CALN1: variants seen among roughly 807,000 people sequenced by gnomAD.
CALN1 encodes calneuron 1, also known as calcium-binding protein 8.
CALN1 carries 17 observed loss-of-function variants against 30.6 expected under a neutral mutation model. That is an observed-to-expected ratio of 0.56 (90% CI 0.38 to 0.83). The LOEUF (loss-of-function observed/expected upper bound fraction) is 0.83, where lower values mean the gene tolerates loss of function less well. CALN1 is among the 40% of genes least tolerant of loss of function. CALN1 has a pLI of 0.00. For synonymous variants in CALN1, 156 were observed against 131.4 expected, an observed-to-expected ratio of 1.19 and a Z score of -1.28; for missense variants, 291 against 354.9, an observed-to-expected ratio of 0.82 and a Z score of 1.45.
intron 2 of CALN1, among the ~76,000 whole-genome samples, chr7:72,329,554 G>C (rs1282659233): frequency 6.6e-6 from 1 of 152,186 alleles, no homozygotes; most frequent in Non-Finnish European, 1.5e-5. Context: ...CCTGCTTTGA[G>C]ACTTTTGCAC....
chr7:72,246,262 C>T (rs1562790014), intron 3 of CALN1, among the ~76,000 whole-genome samples: 1 of 152,162 alleles, frequency 6.6e-6, no homozygotes, highest in Non-Finnish European at 1.5e-5. Context: ...CTTTCTTTGG[C>T]AGAGGATAAA....
the CALN1 span, among the ~76,000 whole-genome samples, chr7:72,497,756 A>G: frequency 1.3e-5 from 2 of 152,342 alleles, no homozygotes; most frequent in African/African-American, 4.8e-5. Context: ...CAAGGTTATT[A>G]TACAATAAAA....
chr7:72,439,019 G>A (rs1367877296), intron 1 of CALN1, among the ~76,000 whole-genome samples: 1 of 152,156 alleles, frequency 6.6e-6, no homozygotes, highest in Admixed American at 6.6e-5. Context: ...ACCCCATGCA[G>A]TTGAAAATCT....
intron 1 of CALN1, among the ~76,000 whole-genome samples, chr7:72,440,950 G>A (rs1808325462): frequency 6.6e-6 from 1 of 151,790 alleles, no homozygotes; most frequent in African/African-American, 2.4e-5. Flanking sequence ...AAATTTTTTG[G>A]TACAAAATTT....
At chr7:72,489,224 G>T in the CALN1 span, among the ~76,000 whole-genome samples, 1 of 152,142 alleles carries the variant, frequency 6.6e-6, no homozygotes, top group East Asian at 1.9e-4. Context: ...GAAACAGGCA[G>T]AACAAGGGAA....
intron 1 of CALN1, among the ~76,000 whole-genome samples, chr7:72,408,115 C>T (rs1806830588): frequency 6.6e-6 from 1 of 151,850 alleles, no homozygotes; most frequent in African/African-American, 2.4e-5. Flanking sequence ...ATGCCAGTTC[C>T]CTTTGGTTCC....
intron 3 of CALN1, among the ~76,000 whole-genome samples, chr7:72,166,293 C>T (rs938483234): frequency 6.6e-6 from 1 of 152,142 alleles, no homozygotes; most frequent in African/African-American, 2.4e-5. Flanking sequence ...CCTCTAACTC[C>T]TAGGCTCAAG....
chr7:72,198,643 C>T (rs186671152), intron 3 of CALN1, among the ~76,000 whole-genome samples: 8 of 152,178 alleles, frequency 5.3e-5, no homozygotes, highest in African/African-American at 1.9e-4. Flanking sequence ...CCAACTGTGA[C>T]ATTTATAGCA....
chr7:72,076,736 T>C lies in CALN1; in HGVS notation c.388+29415A>G, dbSNP rs192269426. On this transcript the variant is annotated intron_variant, in intron 4 of 6. Coordinates refer to ENST00000395275, the MANE Select transcript of CALN1 (RefSeq NM_031468.4). The stretch of plus-strand genomic sequence containing the variant: ...GTGGGCAGCCACTCCTCAGAGACTA[T>C]CTCCTATCCTTTGGAAAATTCTTTT... Among the ~76,000 whole-genome samples the C allele has an allele frequency of 1.4e-3, 206 of 144,074 alleles. 1 individual carries two copies. The highest frequency in any genetic ancestry group is 4.9e-3 in the African/African-American group (194 of 39,252). 94.5% of individuals were successfully genotyped at this position (144,074 alleles called of 152,430 possible).
chr7:72,258,378 T>G (rs1226217379), intron 3 of CALN1, among the ~76,000 whole-genome samples: 1 of 152,064 alleles, frequency 6.6e-6, no homozygotes, highest in Admixed American at 6.5e-5. Context: ...GGAGCCAGAG[T>G]GAACTTCCTT....
At position 72,164,349 on chromosome 7, in the gene CALN1, C is replaced by CA. The variant is rs71531792; in HGVS notation, c.245-58056dup. 8.6e-3 allele frequency among the ~76,000 whole-genome samples: 1,010 copies of CA among 117,388 alleles called. 3 individuals are homozygous for CA. The highest frequency in any genetic ancestry group is 0.01 in the South Asian group (35 of 3,356). The allele number at this position is 117,388 out of a possible 152,430, so 77.0% of individuals were successfully genotyped here. A position where few individuals can be genotyped will look rare whatever the true frequency, so the allele number is the denominator to read the frequency against. On this transcript the variant is annotated intron_variant, in intron 3 of 6. Transcript: ENST00000395275. ...CTGGGTGACAAGAGCAACACTCCGT[C>CA]AAAAAAAAAAAAAAAAAAAGAAGAA...
intron 3 of CALN1, among the ~76,000 whole-genome samples, chr7:72,201,036 C>T (rs180746161): frequency 3.7e-4 from 57 of 152,300 alleles, no homozygotes; most frequent in Middle Eastern, 6.8e-3. Context: ...AACCTAGGTG[C>T]CCATCAACAG....
At chr7:72,092,658 C>G (rs1403410380) in intron 4 of CALN1, among the ~76,000 whole-genome samples, 3 of 141,370 alleles carry the variant, frequency 2.1e-5, no homozygotes, top group African/African-American at 5.2e-5. Context: ...AAAGGAGAAG[C>G]CTAAAATTCT....
intron 5 of CALN1, among the ~76,000 whole-genome samples, chr7:71,824,456 G>A (rs904454459): frequency 1.3e-5 from 2 of 152,034 alleles, no homozygotes; most frequent in Non-Finnish European, 2.9e-5. Context: ...AGTCCCCAGT[G>A]AAGTCTGAAT....
chr7:71,866,747 T>C (rs1003777311), intron 5 of CALN1, among the ~76,000 whole-genome samples: 4 of 152,142 alleles, frequency 2.6e-5, no homozygotes, highest in Non-Finnish European at 5.9e-5. Context: ...TAATTTAGCA[T>C]GATTCTAGAA....
chr7:72,255,209 C>G (rs1795832450), intron 3 of CALN1, among the ~76,000 whole-genome samples: 2 of 151,666 alleles, frequency 1.3e-5, no homozygotes, highest in African/African-American at 4.8e-5. Context: ...CTTCAGCTTC[C>G]CCAGTAGCAG....
intron 5 of CALN1, among the ~76,000 whole-genome samples, chr7:72,022,919 TTAAAA>T (rs1800788546): frequency 9.1e-6 from 1 of 109,956 alleles, no homozygotes; most frequent in African/African-American, 3.8e-5. Context: ...ATAAATAAAA[TTAAAA>T]AAAAAAAAAA....
At chr7:72,130,833 T>G (rs945425453) in intron 3 of CALN1, among the ~76,000 whole-genome samples, 2 of 152,188 alleles carry the variant, frequency 1.3e-5, no homozygotes, top group African/African-American at 4.8e-5. Context: ...TTGTGGGTGA[T>G]TTTTATTTTC....
intron 5 of CALN1, among the ~76,000 whole-genome samples, chr7:72,018,747 T>G (rs1272693627): frequency 6.6e-6 from 1 of 152,224 alleles, no homozygotes; most frequent in Non-Finnish European, 1.5e-5. Flanking sequence ...AATAAATAGC[T>G]GTTTTTGCTG....
Sources: gnomAD v4.1 joint callset for allele counts (sites outside exome capture counted in the v4.1 genomes callset) on GRCh38, gnomAD v4.1.1 for gene constraint, MANE v1.5 for transcripts, NCBI Gene and HGNC (gene_info 2026-07-23, HGNC 2026-07-21) for gene names.